STK3: variants seen among roughly 807,000 people sequenced by gnomAD.
STK3 encodes the protein serine/threonine kinase 3.
In STK3, 41 loss-of-function variants were observed where a neutral mutation model predicts 58.0. That is an observed-to-expected ratio of 0.71 (90% CI 0.55 to 0.92). The LOEUF (loss-of-function observed/expected upper bound fraction) is 0.92, where lower values mean the gene tolerates loss of function less well. Ranked by LOEUF, STK3 falls within the 40% of genes least tolerant of loss-of-function variation. STK3 has a pLI of 0.00. For missense variants in STK3, 479 were observed against 602.7 expected, an observed-to-expected ratio of 0.79 and a Z score of 2.15; for synonymous variants, 170 against 191.0, an observed-to-expected ratio of 0.89 and a Z score of 0.91.
At chr8:98,545,333 T>C (rs184816705) in intron 9 of STK3, among the ~76,000 whole-genome samples, 68 of 152,230 alleles carry the variant, frequency 4.5e-4, no homozygotes, top group African/African-American at 1.5e-3. Context: ...GGACATTCCA[T>C]GGGGAATGAG....
chr8:98,636,996 C>T (rs1285717867), intron 6 of STK3, among the ~76,000 whole-genome samples: 1 of 150,686 alleles, frequency 6.6e-6, no homozygotes, highest in Admixed American at 6.6e-5. Flanking sequence ...CCATTTTGGA[C>T]AATGCTAACT....
Position 98,681,277 on chromosome 8 carries a change from G to A in STK3, c.684+25190C>T, listed in dbSNP as rs1041199975. On this transcript the variant is annotated intron_variant, in intron 6 of 10. Transcript: ENST00000419617. Reference sequence around the variant, plus strand: ...CTCCCAAAGTGCTGGGATTACAGGCGTGAGCCACTGCACCCGGCCTCTAAC... The same window carrying A: ...CTCCCAAAGTGCTGGGATTACAGGCATGAGCCACTGCACCCGGCCTCTAAC... Among the ~76,000 whole-genome samples, 6 of 151,814 alleles carry A rather than the reference G, an allele frequency of 4.0e-5. No individual in the cohort carries two copies. The East Asian group carries it at 5.8e-4, about 15-fold the overall frequency.
intron 4 of STK3, among the ~76,000 whole-genome samples, chr8:98,709,649 G>A (rs950541049): frequency 4.6e-5 from 7 of 152,128 alleles, no homozygotes; most frequent in Middle Eastern, 3.4e-3. Flanking sequence ...ATACAAAATC[G>A]AACAATGCAA....
chr8:98,425,359 A>G (rs1271605755), intron 3 of STK3, among the ~76,000 whole-genome samples: 2 of 151,764 alleles, frequency 1.3e-5, no homozygotes, highest in Non-Finnish European at 2.9e-5. Context: ...ACACAAACAC[A>G]CTGGGAAATA....
intron 6 of STK3, among the ~76,000 whole-genome samples, chr8:98,624,073 C>T (rs1280025696): frequency 6.6e-6 from 1 of 152,098 alleles, no homozygotes; most frequent in Non-Finnish European, 1.5e-5. Context: ...TCTGACAAAA[C>T]CAAGGAGAGA....
chr8:98,362,943 A>G, the STK3 span, among the ~76,000 whole-genome samples: 1 of 152,202 alleles, frequency 6.6e-6, no homozygotes, highest in African/African-American at 2.4e-5. Flanking sequence ...AGATCTGACA[A>G]GAGTTAGTGA....
At chr8:98,695,266 A>G (rs1028336465) in intron 6 of STK3, among the ~76,000 whole-genome samples, 3 of 152,126 alleles carry the variant, frequency 2.0e-5, no homozygotes, top group African/African-American at 4.8e-5. Flanking sequence ...AGATGAGTAG[A>G]TTGCAAAAAT....
chr8:98,682,153 G>A (rs1303942636), intron 6 of STK3, among the ~76,000 whole-genome samples: 1 of 152,180 alleles, frequency 6.6e-6, no homozygotes, highest in Admixed American at 6.5e-5. Flanking sequence ...TGTTCAAGAA[G>A]CTTGTGAAGT....
chr8:98,562,963 A>G (rs1425047812), intron 8 of STK3, among the ~76,000 whole-genome samples: 1 of 147,848 alleles, frequency 6.8e-6, no homozygotes, highest in African/African-American at 2.5e-5. Flanking sequence ...ATGCAAAATT[A>G]AAAAAAAAAA....
intron 4 of STK3, among the ~76,000 whole-genome samples, chr8:98,730,773 T>C (rs1188993590): frequency 6.7e-6 from 1 of 149,332 alleles, no homozygotes; most frequent in African/African-American, 2.5e-5. Flanking sequence ...TTCTCATCTA[T>C]ACAGCTGGAT....
intron 10 of STK3, among the ~76,000 whole-genome samples, chr8:98,477,824 C>T (rs752435630): frequency 3.4e-4 from 50 of 146,742 alleles, no homozygotes; most frequent in Non-Finnish European, 6.2e-4. Context: ...CACTAATGAA[C>T]GTTTGGTGGG....
At chr8:98,740,677 CG>C (rs1285413307) in intron 4 of STK3, among the ~76,000 whole-genome samples, 1 of 152,146 alleles carries the variant, frequency 6.6e-6, no homozygotes, top group African/African-American at 2.4e-5. Context: ...TAGGAAGAAA[CG>C]GTATCAACTA....
intron 1 of STK3, among the ~76,000 whole-genome samples, chr8:98,802,960 C>A (rs1202971437): frequency 6.6e-6 from 1 of 152,198 alleles, no homozygotes; most frequent in African/African-American, 2.4e-5. Flanking sequence ...GTTTCATTCA[C>A]TGCTTTATCC....
chr8:98,916,051 ATAACCCT>A (rs1478157226), intron 1 of STK3, among the ~76,000 whole-genome samples: 1 of 152,140 alleles, frequency 6.6e-6, no homozygotes, highest in Non-Finnish European at 1.5e-5. Context: ...CTGCTTTGGC[ATAACCCT>A]GCAAAAGCTA....
intron 1 of STK3, among the ~76,000 whole-genome samples, chr8:98,940,123 C>T (rs1176827120): frequency 6.6e-6 from 1 of 152,030 alleles, no homozygotes; most frequent in Non-Finnish European, 1.5e-5. Context: ...CCCGGGAGCC[C>T]GCTCCTACCC....
intron 10 of STK3, among the ~76,000 whole-genome samples, chr8:98,472,549 T>C (rs1821003828): frequency 6.6e-6 from 1 of 152,192 alleles, no homozygotes; most frequent in South Asian, 2.1e-4. Context: ...AATAATGCTG[T>C]GAAATGGGGC....
intron 1 of STK3, among the ~76,000 whole-genome samples, chr8:98,897,590 G>T (rs1253817082): frequency 6.6e-6 from 1 of 152,006 alleles, no homozygotes. Flanking sequence ...GCAAGACTCC[G>T]TCTCAAAAAC....
intron 6 of STK3, among the ~76,000 whole-genome samples, chr8:98,656,630 T>G (rs1479484723): frequency 6.6e-6 from 1 of 152,180 alleles, no homozygotes; most frequent in Non-Finnish European, 1.5e-5. Flanking sequence ...ATTCTTTAAT[T>G]TATGCAGAAT....
chr8:98,815,682 A>C (rs1451240262), intron 1 of STK3, among the ~76,000 whole-genome samples: 1 of 152,236 alleles, frequency 6.6e-6, no homozygotes. Context: ...AAAAGAAAAA[A>C]AAATGGCCAC....
Sources: gnomAD v4.1 joint callset for allele counts (sites outside exome capture counted in the v4.1 genomes callset) on GRCh38, gnomAD v4.1.1 for gene constraint, MANE v1.5 for transcripts, NCBI Gene and HGNC (gene_info 2026-07-23, HGNC 2026-07-21) for gene names.